ZNF407: variants seen among roughly 807,000 people sequenced by gnomAD.
The protein encoded by ZNF407 is zinc finger protein 407.
A neutral mutation model predicts 131.2 loss-of-function variants in ZNF407; 17 were observed. The observed-to-expected ratio is 0.13, with a 90% CI of 0.09 to 0.19. ZNF407 has a LOEUF of 0.19. Ranked by LOEUF, ZNF407 falls within the 10% of genes least tolerant of loss-of-function variation. The pLI is 1.00. For missense variants in ZNF407, 2,681 were observed against 2,830.6 expected, an observed-to-expected ratio of 0.95 and a Z score of 1.20; for synonymous variants, 1,156 against 1,062.0, an observed-to-expected ratio of 1.09 and a Z score of -1.72.
intron 1 of ZNF407, among the ~76,000 whole-genome samples, chr18:74,602,956 C>T (rs941862234): frequency 1.3e-5 from 2 of 148,312 alleles, no homozygotes; most frequent in African/African-American, 5.0e-5. Context: ...ACACTGACCC[C>T]TGAGCATGCC....
intron 1 of ZNF407, among the ~76,000 whole-genome samples, chr18:74,622,658 T>TC (rs1983565959): frequency 6.6e-6 from 1 of 152,166 alleles, no homozygotes; most frequent in Admixed American, 6.5e-5. Context: ...TTTGGGTGAA[T>TC]CTAGGAAGGG....
intron 4 of ZNF407, among the ~76,000 whole-genome samples, chr18:74,860,178 G>A (rs1412096643): frequency 1.3e-5 from 2 of 152,066 alleles, no homozygotes; most frequent in African/African-American, 2.4e-5. Context: ...GTGGTGGTGC[G>A]TGCCTGTGAA....
intron 8 of ZNF407, among the ~76,000 whole-genome samples, chr18:74,947,833 T>C (rs1026077259): frequency 6.6e-6 from 1 of 152,252 alleles, no homozygotes; most frequent in Non-Finnish European, 1.5e-5. Context: ...TCCCTGCGCC[T>C]TTTGTTTCTA....
Position 74,633,275 on chromosome 18 carries a change from C to T in ZNF407, c.2256C>T (p.His752=). ...TGAGCAAAGAAGGAATGGAGAAACACATTAAAAGAAGCAAGCATCTTGAAA... is the reference window on the plus strand; with the variant it reads ...TGAGCAAAGAAGGAATGGAGAAACATATTAAAAGAAGCAAGCATCTTGAAA... The part of the protein sequence containing the change: ...YSLSKEGMEK[H]IKRSKHLENA... The change falls in exon 2 of 9, where the codon CAC becomes CAT. Residue 752 remains histidine (H), a synonymous_variant. Transcript: ENST00000299687. 2.5e-6 allele frequency: 4 copies of T among 1,612,270 alleles called. No homozygotes were observed. In the East Asian group the frequency reaches 6.7e-5, roughly 27 times the overall value.
At chr18:75,019,104 G>C (rs988122167) in intron 8 of ZNF407, among the ~76,000 whole-genome samples, 1 of 151,994 alleles carries the variant, frequency 6.6e-6, no homozygotes, top group African/African-American at 2.4e-5. Context: ...TATCTCAAAG[G>C]ATGCCAAAAG....
At chr18:74,782,292 CT>C (rs1170876131) in intron 4 of ZNF407, among the ~76,000 whole-genome samples, 1 of 152,124 alleles carries the variant, frequency 6.6e-6, no homozygotes, top group Non-Finnish European at 1.5e-5. Context: ...TCAAAAGTCA[CT>C]AGTGATGCAA....
rs1011839800 is a variant in ZNF407, at chr18:74,937,212, A to C, written c.5428+16520A>C. Among the ~76,000 whole-genome samples, 45 of 152,330 alleles carry C rather than the reference A, an allele frequency of 3.0e-4. 1 individual carries two copies. The highest frequency in any genetic ancestry group is 9.1e-4 in the African/African-American group (38 of 41,568). On this transcript the variant is annotated intron_variant, in intron 8 of 8. Transcript: ENST00000299687. ...AAGCTCTAGAAAGTAGCATTGAGTC[A>C]ATTCCATTTTATTCTAGATAATTGA...
intron 4 of ZNF407, among the ~76,000 whole-genome samples, chr18:74,839,355 T>C (rs146688497): frequency 3.9e-5 from 6 of 152,354 alleles, no homozygotes; most frequent in South Asian, 2.1e-4. Context: ...AATTGTGTTA[T>C]GCGATTTTTG....
chr18:74,701,627 T>A (rs899926935), intron 3 of ZNF407, among the ~76,000 whole-genome samples: 3 of 152,220 alleles, frequency 2.0e-5, no homozygotes, highest in Non-Finnish European at 1.5e-5. Flanking sequence ...TACAGTTAAT[T>A]TTTTATTCAA....
intron 3 of ZNF407, among the ~76,000 whole-genome samples, chr18:74,725,671 G>GT (rs977568344): frequency 2.0e-5 from 3 of 151,980 alleles, no homozygotes; most frequent in African/African-American, 4.8e-5. Flanking sequence ...GTCTCTTAGA[G>GT]TTTTTTCATA....
At chr18:75,004,860 G>A (rs1000801337) in intron 8 of ZNF407, among the ~76,000 whole-genome samples, 4 of 152,100 alleles carry the variant, frequency 2.6e-5, no homozygotes, top group African/African-American at 9.7e-5. Context: ...TGGTAAATAC[G>A]CCTCTCCTCG....
At chr18:74,654,731 G>A (rs537424267) in intron 3 of ZNF407, among the ~76,000 whole-genome samples, 198 of 151,898 alleles carry the variant, frequency 1.3e-3, no homozygotes, top group African/African-American at 4.6e-3. Context: ...TATCTTATAT[G>A]TAAGATTGTT....
At chr18:74,720,428 G>T (rs1045816539) in intron 3 of ZNF407, among the ~76,000 whole-genome samples, 1 of 151,526 alleles carries the variant, frequency 6.6e-6, no homozygotes, top group African/African-American at 2.4e-5. Flanking sequence ...GTAGTTTACA[G>T]GTATTTTCTC....
intron 3 of ZNF407, among the ~76,000 whole-genome samples, chr18:74,731,492 T>A (rs1307496799): frequency 2.0e-5 from 3 of 152,106 alleles, no homozygotes; most frequent in African/African-American, 7.2e-5. Context: ...TTTCTTAGAG[T>A]GAAATTTCTA....
intron 8 of ZNF407, among the ~76,000 whole-genome samples, chr18:75,025,873 G>A (rs1451013195): frequency 6.6e-6 from 1 of 152,196 alleles, no homozygotes; most frequent in Non-Finnish European, 1.5e-5. Context: ...GCAAAACCTG[G>A]ATGTTCTTCA....
intron 1 of ZNF407, among the ~76,000 whole-genome samples, chr18:74,622,402 C>T (rs1289919917): frequency 6.6e-6 from 1 of 152,242 alleles, no homozygotes; most frequent in Non-Finnish European, 1.5e-5. Context: ...TTGCAGCTCG[C>T]AGGGGGCTTG....
chr18:74,965,606 C>A (rs1199654158), intron 8 of ZNF407, among the ~76,000 whole-genome samples: 3 of 152,142 alleles, frequency 2.0e-5, no homozygotes, highest in Non-Finnish European at 4.4e-5. Flanking sequence ...CTATTGTGAA[C>A]AGTGTTGCAA....
chr18:74,903,700 TTTATTTCAGA>T (rs1971559341), intron 7 of ZNF407, among the ~76,000 whole-genome samples: 1 of 152,202 alleles, frequency 6.6e-6, no homozygotes, highest in South Asian at 2.1e-4. Context: ...GGGGTCTATA[TTTATTTCAGA>T]GTGGCAAGAT....
chr18:74,604,071 A>G (rs1288294727), intron 1 of ZNF407, among the ~76,000 whole-genome samples: 5 of 152,170 alleles, frequency 3.3e-5, no homozygotes, highest in Admixed American at 6.5e-5. Flanking sequence ...AGAGATAAAA[A>G]TTTAGGCATC....
Sources: gnomAD v4.1 joint callset for allele counts (sites outside exome capture counted in the v4.1 genomes callset) on GRCh38, gnomAD v4.1.1 for gene constraint, MANE v1.5 for transcripts, NCBI Gene and HGNC (gene_info 2026-07-23, HGNC 2026-07-21) for gene names.